Variants in RYR2 observed in about 807,000 individuals in gnomAD.
RYR2 encodes ryanodine receptor 2.
Under a neutral mutation model 601.1 loss-of-function variants are expected in RYR2, and 227 were observed. The observed-to-expected ratio is 0.38, with a 90% CI of 0.34 to 0.42. The LOEUF (loss-of-function observed/expected upper bound fraction) is 0.42, where lower values mean the gene tolerates loss of function less well. Among genes scored for constraint, RYR2 ranks in the 10% least tolerant of loss-of-function variants. The probability of loss-of-function intolerance (pLI) is 1.00; values close to 1 mark genes in which losing one functional copy is unlikely to be tolerated. For missense variants in RYR2, 4,646 were observed against 6,156.5 expected, an observed-to-expected ratio of 0.75 and a Z score of 8.21; for synonymous variants, 2,223 against 2,175.1, an observed-to-expected ratio of 1.02 and a Z score of -0.61.
chr1:237,310,770 T>TA (rs1558600974), intron 2 of RYR2, among the ~76,000 whole-genome samples: 3 of 152,212 alleles, frequency 2.0e-5, no homozygotes, highest in African/African-American at 7.2e-5. Flanking sequence ...TCTCTTTATA[T>TA]ATTATTTTTA....
chr1:237,816,053 G>T (rs1661788701), intron 100 of RYR2, among the ~76,000 whole-genome samples: 1 of 152,132 alleles, frequency 6.6e-6, no homozygotes, highest in Non-Finnish European at 1.5e-5. Flanking sequence ...GTCACACGCA[G>T]TTCCTCAAAG....
intron 1 of RYR2, among the ~76,000 whole-genome samples, chr1:237,110,081 TG>T (rs1328341159): frequency 2.6e-5 from 4 of 152,274 alleles, no homozygotes; most frequent in Admixed American, 2.0e-4. Context: ...ATTTTCTTTG[TG>T]GAATGATAGG....
chr1:237,407,609 GTTTTT>G (rs35247530), intron 10 of RYR2, among the ~76,000 whole-genome samples: 3 of 118,862 alleles, frequency 2.5e-5, no homozygotes, highest in African/African-American at 3.0e-5. Context: ...AATTGTGGTT[GTTTTT>G]TTTTTTTTTT....
intron 1 of RYR2, among the ~76,000 whole-genome samples, chr1:237,061,389 C>T (rs1662876104): frequency 6.6e-6 from 1 of 152,128 alleles, no homozygotes; most frequent in Non-Finnish European, 1.5e-5. Context: ...ACAGTCATAG[C>T]TTGCTGCAGC....
intron 87 of RYR2, among the ~76,000 whole-genome samples, chr1:237,777,495 A>G (rs1694761936): frequency 6.6e-6 from 1 of 152,184 alleles, no homozygotes; most frequent in Non-Finnish European, 1.5e-5. Context: ...TAAAGGAATG[A>G]AGGAATTTGA....
intron 1 of RYR2, among the ~76,000 whole-genome samples, chr1:237,261,425 G>T (rs1005925618): frequency 6.6e-6 from 1 of 152,132 alleles, no homozygotes; most frequent in African/African-American, 2.4e-5. Context: ...ACTTCCCCTA[G>T]CCTAGTCTGC....
intron 80 of RYR2, among the ~76,000 whole-genome samples, chr1:237,744,651 C>T (rs145794630): frequency 0.054 from 8,132 of 151,278 alleles, 384 homozygotes; most frequent in African/African-American, 0.13. Flanking sequence ...AGTGAAACTC[C>T]GTCTCAACAA....
At chr1:237,789,473 A>G (rs1431457464) in intron 92 of RYR2, among the ~76,000 whole-genome samples, 4 of 115,994 alleles carry the variant, frequency 3.4e-5, no homozygotes, top group African/African-American at 1.1e-4. Context: ...CTAACTCTGA[A>G]TAATTCCTAA....
chr1:237,225,529 G>T (rs1305131490), intron 1 of RYR2, among the ~76,000 whole-genome samples: 1 of 152,140 alleles, frequency 6.6e-6, no homozygotes, highest in Non-Finnish European at 1.5e-5. Context: ...CCTCCCCCAT[G>T]ATTCAGTTAT....
intron 87 of RYR2, among the ~76,000 whole-genome samples, chr1:237,774,587 T>A (rs1422184654): frequency 2.6e-5 from 4 of 152,170 alleles, no homozygotes; most frequent in South Asian, 2.1e-4. Flanking sequence ...CATTTCCAGA[T>A]GGAAACGTCA....
At chr1:237,505,651 A>G (rs1665145720) in intron 22 of RYR2, among the ~76,000 whole-genome samples, 1 of 152,202 alleles carries the variant, frequency 6.6e-6, no homozygotes, top group Admixed American at 6.5e-5. Context: ...ATCATGGTAG[A>G]AACTTAAGGA....
Position 237,764,265 on chromosome 1 carries a change from C to A in RYR2, c.11476+3237C>A, listed in dbSNP as rs1031385916. Among the ~76,000 whole-genome samples, 7 of 152,262 alleles carry A rather than the reference C, an allele frequency of 4.6e-5. No homozygotes were observed. The East Asian group carries it at 1.2e-3, about 25-fold the overall frequency. Reference sequence around the variant, plus strand: ...ACTTGTCCAAGGTCACACAGCTAAGCGGCAAGGCTGAGACTGAAATGCAGG... The same window carrying A: ...ACTTGTCCAAGGTCACACAGCTAAGAGGCAAGGCTGAGACTGAAATGCAGG... On this transcript the variant is annotated intron_variant, in intron 84 of 104. Transcript: ENST00000366574.
intron 74 of RYR2, among the ~76,000 whole-genome samples, chr1:237,725,614 A>T (rs2149135794): frequency 6.6e-6 from 1 of 152,262 alleles, no homozygotes; most frequent in East Asian, 1.9e-4. Context: ...CAAGACATTC[A>T]GACAGGGTTA....
At position 237,819,743 on chromosome 1, in the gene RYR2, G is replaced by A. The variant is rs955760375; in HGVS notation, c.14590+551G>A. Among the ~76,000 whole-genome samples the A allele has an allele frequency of 2.0e-5, 3 of 151,960 alleles. No individual in the cohort carries two copies. Among genetic ancestry groups the A allele is most frequent in the Admixed American group, 6.6e-5 (1 of 15,262 alleles). ...TGAGGCAGGAGAATTGCTTGAACCC[G>A]GGAGGTGGAGGTTGCAGTGAGCCAA... is the stretch of plus-strand genomic sequence containing the variant. On this transcript the variant is annotated intron_variant, in intron 101 of 104. Coordinates refer to ENST00000366574, the MANE Select transcript of RYR2 (RefSeq NM_001035.3). The surrounding 1 kb of genome is among the most constrained non-coding windows in gnomAD (Gnocchi z 4.0).
intron 10 of RYR2, among the ~76,000 whole-genome samples, chr1:237,389,448 A>G (rs999548679): frequency 2.0e-5 from 3 of 152,194 alleles, no homozygotes; most frequent in Admixed American, 2.0e-4. Flanking sequence ...TTAAAATAAT[A>G]ACTCTGTTAG....
At chr1:237,553,222 G>A (rs77300928) in intron 27 of RYR2, among the ~76,000 whole-genome samples, 4,529 of 152,016 alleles carry the variant, frequency 0.03, 169 homozygotes, top group African/African-American at 0.092. Context: ...GTAGGTGTGT[G>A]ATCTAAAGTG....
At chr1:237,110,748 G>C (rs867480802) in intron 1 of RYR2, among the ~76,000 whole-genome samples, 1 of 152,092 alleles carries the variant, frequency 6.6e-6, no homozygotes, top group Non-Finnish European at 1.5e-5. Flanking sequence ...CTCCCTCGGG[G>C]TACCAATGCT....
intron 25 of RYR2, among the ~76,000 whole-genome samples, chr1:237,534,715 C>A (rs1283707707): frequency 2.0e-5 from 3 of 151,914 alleles, no homozygotes; most frequent in East Asian, 3.9e-4. Context: ...AAAAAGATAA[C>A]CCATATTTCT....
At chr1:237,192,358 G>A (rs1407316058) in intron 1 of RYR2, among the ~76,000 whole-genome samples, 5 of 151,598 alleles carry the variant, frequency 3.3e-5, no homozygotes, top group Admixed American at 1.3e-4. Flanking sequence ...ACAGGCACTC[G>A]CCCACCACGC....
Sources: allele counts gnomAD v4.1 joint callset (sites outside exome capture counted in the v4.1 genomes callset), GRCh38; gene constraint gnomAD v4.1.1; non-coding constraint Gnocchi (gnomAD v3.1); transcripts MANE v1.5; gene names NCBI Gene and HGNC (gene_info 2026-07-23, HGNC 2026-07-21).